Variants in ATP13A5 observed in about 807,000 individuals in gnomAD.
ATP13A5 encodes the protein ATPase 13A5.
In ATP13A5, 149 loss-of-function variants were observed where a neutral mutation model predicts 150.2. The ratio of observed to expected loss-of-function variants is 0.99; its 90% CI spans 0.87 to 1.14. The LOEUF (loss-of-function observed/expected upper bound fraction) is 1.14. ATP13A5 is among the 50% of genes most tolerant of loss of function. The pLI, the probability that ATP13A5 is intolerant of heterozygous loss-of-function variation, is 0.00. For missense variants in ATP13A5, 1,383 were observed against 1,449.3 expected (o/e 0.95, Z 0.74); for synonymous variants, 497 against 522.2 (o/e 0.95, Z 0.66).
intron 3 of ATP13A5, 46 bp from the exon 4 acceptor site, chr3:193,362,683 G>T: frequency 6.4e-7 from 1 of 1,574,452 alleles, no homozygotes; most frequent in Non-Finnish European, 8.7e-7. Context: ...ACAGCATAAA[G>T]CTCACTGGGA....
chr3:193,300,336 G>T (rs1718350437), intron 24 of ATP13A5, among the ~76,000 whole-genome samples: 1 of 152,120 alleles, frequency 6.6e-6, no homozygotes, highest in South Asian at 2.1e-4. Context: ...CCAGAAGCAG[G>T]TTTTGGCCAA....
chr3:193,343,410 A>G (rs1453556728), intron 9 of ATP13A5, among the ~76,000 whole-genome samples: 1 of 152,216 alleles, frequency 6.6e-6, no homozygotes, highest in East Asian at 1.9e-4. Flanking sequence ...ATATAAATCT[A>G]AAGAACAGAA....
intron 18 of ATP13A5, among the ~76,000 whole-genome samples, 162 bp downstream of exon 18, chr3:193,314,810 G>T (rs781173462): frequency 1.3e-5 from 2 of 152,120 alleles, no homozygotes; most frequent in African/African-American, 4.8e-5. Flanking sequence ...TGGTCCTGTC[G>T]GGGCAGCTGC....
chr3:193,362,813 C>CTTTCTTTCTTTCTTTCTTTCTTTCTTTG lies in ATP13A5; in HGVS notation c.385-177_385-176insCAAAGAAAGAAAGAAAGAAAGAAAGAAA, dbSNP rs59105884. ...TCTTTCTTTCTTTCTTTCTTTCTTT[C>CTTTCTTTCTTTCTTTCTTTCTTTCTTTG]AGACAGGGTCTCACTCTGTCACCCA... On this transcript the variant is annotated intron_variant, in intron 3 of 29. Coordinates refer to ENST00000342358, the MANE Select transcript of ATP13A5 (RefSeq NM_198505.4). Among the ~76,000 whole-genome samples the CTTTCTTTCTTTCTTTCTTTCTTTCTTTG allele has an allele frequency of 2.0e-3, 229 of 112,070 alleles. 42 individuals carry two copies. Among genetic ancestry groups the CTTTCTTTCTTTCTTTCTTTCTTTCTTTG allele is most frequent in the African/African-American group, 7.0e-3 (217 of 30,810 alleles). 73.5% of individuals were successfully genotyped at this position (112,070 alleles called of 152,430 possible).
At chr3:193,325,677 C>A (rs1352048825) in intron 13 of ATP13A5, among the ~76,000 whole-genome samples, 1 of 152,194 alleles carries the variant, frequency 6.6e-6, no homozygotes, top group African/African-American at 2.4e-5. Context: ...GATGCAGAAG[C>A]ATTTTTCACG....
chr3:193,333,654 T>C, intron 11 of ATP13A5, 96 bp downstream of exon 11: 1 of 1,218,418 alleles, frequency 8.2e-7, no homozygotes, highest in Non-Finnish European at 1.2e-6. Flanking sequence ...ATTCACAGAA[T>C]GATGGGATCA....
At chr3:193,316,834 A>G (rs1310578208) in intron 17 of ATP13A5, among the ~76,000 whole-genome samples, 3 of 152,174 alleles carry the variant, frequency 2.0e-5, no homozygotes, top group Admixed American at 6.5e-5. Flanking sequence ...CCAGCAAAAG[A>G]ATGAAATTGG....
At chr3:193,363,488 C>T (rs1253860906) in intron 2 of ATP13A5, 106 bp from the exon 3 acceptor site, 1 of 1,027,798 alleles carries the variant, frequency 9.7e-7, no homozygotes, top group Admixed American at 2.5e-5. Context: ...CAAACAAGCG[C>T]ATCAGCTTTA....
chr3:193,284,193 TAA>T (rs1291018764), intron 27 of ATP13A5, among the ~76,000 whole-genome samples: 1 of 151,682 alleles, frequency 6.6e-6, no homozygotes, highest in African/African-American at 2.4e-5. Flanking sequence ...AGCTAATTTG[TAA>T]AAGTGTTTTT....
chr3:193,326,986 A>G lies in ATP13A5; in HGVS notation c.1523+10T>C, dbSNP rs1227753215. The G allele has an allele frequency of 1.9e-6, 3 of 1,613,334 alleles. No homozygotes were observed. Among genetic ancestry groups the G allele is most frequent in the Non-Finnish European group, 2.5e-6 (3 of 1,179,334 alleles). ...CAAACACACCTTCCATTTTCACATA[A>G]GAGGCCTACCAGTTGTCAGCAGTAG... On this transcript the variant is annotated intron_variant, in intron 13 of 29. Coordinates refer to ENST00000342358, the MANE Select transcript of ATP13A5 (RefSeq NM_198505.4).
chr3:193,302,672 T>C (rs1718443641), intron 23 of ATP13A5, among the ~76,000 whole-genome samples: 1 of 152,176 alleles, frequency 6.6e-6, no homozygotes, highest in Non-Finnish European at 1.5e-5. Context: ...CAAAAATCAC[T>C]AAGACACAGT....
intron 5 of ATP13A5, among the ~76,000 whole-genome samples, chr3:193,359,450 A>C (rs1295322493): frequency 1.3e-5 from 2 of 151,712 alleles, no homozygotes; most frequent in Admixed American, 1.3e-4. Flanking sequence ...CTGTGTTCTC[A>C]TGGAACAGTT....
At chr3:193,363,922 T>A (rs1319110100) in intron 2 of ATP13A5, among the ~76,000 whole-genome samples, 185 bp downstream of exon 2, 1 of 152,164 alleles carries the variant, frequency 6.6e-6, no homozygotes, top group African/African-American at 2.4e-5. Flanking sequence ...TGGGTCAAAA[T>A]GAGAGATAGC....
intron 22 of ATP13A5, among the ~76,000 whole-genome samples, chr3:193,306,641 A>G (rs1438847693): frequency 3.3e-5 from 5 of 152,210 alleles, no homozygotes; most frequent in African/African-American, 1.2e-4. Context: ...TAAATCAGCT[A>G]CTGAAATATT....
chr3:193,359,816 T>TG (rs1553822173), intron 5 of ATP13A5, among the ~76,000 whole-genome samples: 5 of 151,752 alleles, frequency 3.3e-5, no homozygotes, highest in Non-Finnish European at 2.9e-5. Flanking sequence ...TGTGTGTGTG[T>TG]GTGGTGGTGG....
chr3:193,345,556 T>C (rs1044451747), intron 7 of ATP13A5, among the ~76,000 whole-genome samples: 16 of 152,150 alleles, frequency 1.1e-4, no homozygotes, highest in African/African-American at 3.9e-4. Flanking sequence ...CTGGATTGGT[T>C]ACAGGTTGGT....
intron 5 of ATP13A5, 89 bp from the exon 6 acceptor site, chr3:193,354,285 C>G (rs1457479840): frequency 8.6e-7 from 1 of 1,163,942 alleles, no homozygotes; most frequent in East Asian, 2.4e-5. Context: ...CATTTTTCTA[C>G]TCTTTGGAGA....
At chr3:193,375,753 T>G (rs888646566) in intron 1 of ATP13A5, among the ~76,000 whole-genome samples, 1 of 152,100 alleles carries the variant, frequency 6.6e-6, no homozygotes, top group Non-Finnish European at 1.5e-5. Context: ...GAGATGGGAA[T>G]GATAACAGGG....
At chr3:193,323,133 G>A (rs1719343849) in intron 14 of ATP13A5, 1 of 152,354 alleles carries the variant, frequency 6.6e-6, no homozygotes, top group Non-Finnish European at 1.5e-5. Context: ...ATTAAAATAT[G>A]GGAAAGACAG....
Sources: allele counts gnomAD v4.1 joint callset (sites outside exome capture counted in the v4.1 genomes callset), GRCh38; gene constraint gnomAD v4.1.1; transcripts MANE v1.5; gene names NCBI Gene and HGNC (gene_info 2026-07-23, HGNC 2026-07-21).